The following MIS18A variants were observed in gnomAD, a reference collection of about 807,000 sequenced individuals.
MIS18A encodes the protein MIS18 kinetochore protein A.
Under a neutral mutation model 25.0 loss-of-function variants are expected in MIS18A, and 14 were observed. The ratio of observed to expected loss-of-function variants is 0.56; its 90% CI spans 0.37 to 0.88. The LOEUF is 0.88. Ranked by LOEUF, MIS18A falls within the 40% of genes least tolerant of loss-of-function variation. MIS18A has a pLI of 0.00. For missense variants in MIS18A, 292 were observed against 290.8 expected (o/e 1.00, Z -0.03); for synonymous variants, 134 against 118.6 (o/e 1.13, Z -0.84).
chr21:32,156,383 G>A, the MIS18A span: 1 of 151,972 alleles, frequency 6.6e-6, no homozygotes, highest in African/African-American at 2.4e-5. Context: ...AAATACCTCA[G>A]TTGTTGTTAT....
chr21:32,165,826 T>C, the MIS18A span, among the ~76,000 whole-genome samples: 1 of 152,004 alleles, frequency 6.6e-6, no homozygotes, highest in African/African-American at 2.4e-5. Flanking sequence ...TACATTACAC[T>C]GGGCCCTTGT....
chr21:32,190,480 C>A, the MIS18A span, among the ~76,000 whole-genome samples: 6 of 152,302 alleles, frequency 3.9e-5, no homozygotes, highest in South Asian at 6.2e-4. Flanking sequence ...GCCCATTTAC[C>A]CACAAAATTT....
chr21:32,183,333 T>C, the MIS18A span, among the ~76,000 whole-genome samples: 1 of 152,344 alleles, frequency 6.6e-6, no homozygotes, highest in African/African-American at 2.4e-5. Flanking sequence ...GTGTAGCCTG[T>C]TTTGGTAATA....
the MIS18A span, among the ~76,000 whole-genome samples, chr21:32,174,447 A>G: frequency 6.6e-6 from 1 of 152,214 alleles, no homozygotes; most frequent in African/African-American, 2.4e-5. Flanking sequence ...TGCTAGAGCT[A>G]TAGATGAACA....
At chr21:32,271,017 T>C (rs770727250) in intron 2 of MIS18A, among the ~76,000 whole-genome samples, 21 of 152,226 alleles carry the variant, frequency 1.4e-4, no homozygotes, top group Non-Finnish European at 2.8e-4. Flanking sequence ...AAGGTAATAC[T>C]GCTTGGCTTA....
intron 4 of MIS18A, chr21:32,269,505 C>G (rs2031673351): frequency 2.0e-6 from 1 of 512,322 alleles, no homozygotes; most frequent in Non-Finnish European, 3.5e-6. Flanking sequence ...TTTGACATGA[C>G]ATGTCTTCCT....
chr21:32,164,122 A>G, the MIS18A span, among the ~76,000 whole-genome samples: 3 of 152,130 alleles, frequency 2.0e-5, no homozygotes, highest in African/African-American at 7.2e-5. Context: ...CCATGATCCA[A>G]ACACCTCCCA....
chr21:32,221,723 C>CAAAAAAA, the MIS18A span, among the ~76,000 whole-genome samples: 1 of 108,696 alleles, frequency 9.2e-6, no homozygotes, highest in Non-Finnish European at 1.9e-5. Context: ...ACGAATAATA[C>CAAAAAAA]AAAAAAAAAA....
chr21:32,238,829 G>C, the MIS18A span, among the ~76,000 whole-genome samples: 28 of 152,130 alleles, frequency 1.8e-4, no homozygotes, highest in African/African-American at 4.8e-4. Flanking sequence ...GGTGATTTTG[G>C]GGAACCATGA....
chr21:32,244,671 A>AGG, the MIS18A span, among the ~76,000 whole-genome samples: 1 of 152,156 alleles, frequency 6.6e-6, no homozygotes, highest in East Asian at 1.9e-4. Flanking sequence ...TGGGAGGTTG[A>AGG]GGCTGCAGTG....
At chr21:32,230,340 T>A in the MIS18A span, among the ~76,000 whole-genome samples, 1 of 152,308 alleles carries the variant, frequency 6.6e-6, no homozygotes, top group Middle Eastern at 3.4e-3. Flanking sequence ...TCTCTCTGGG[T>A]CTTAGTATCC....
the MIS18A span, among the ~76,000 whole-genome samples, chr21:32,155,371 C>A: frequency 6.6e-6 from 1 of 152,106 alleles, no homozygotes; most frequent in African/African-American, 2.4e-5. Flanking sequence ...TAGAGGGAGG[C>A]AGCTTGTATA....
chr21:32,232,630 C>T, the MIS18A span, among the ~76,000 whole-genome samples: 1 of 151,882 alleles, frequency 6.6e-6, no homozygotes, highest in African/African-American at 2.4e-5. Context: ...CATCATGCTA[C>T]GTGAAATTAA....
At chr21:32,244,131 TCTG>T in the MIS18A span, among the ~76,000 whole-genome samples, 1 of 152,120 alleles carries the variant, frequency 6.6e-6, no homozygotes, top group Non-Finnish European at 1.5e-5. Flanking sequence ...TGAAAAGCAT[TCTG>T]CTAAGTGAAG....
the MIS18A span, among the ~76,000 whole-genome samples, chr21:32,219,760 G>A: frequency 6.6e-6 from 1 of 152,178 alleles, no homozygotes; most frequent in South Asian, 2.1e-4. Flanking sequence ...GCAGTCTGAA[G>A]TCAACCTGGG....
At chr21:32,265,494 G>A (rs1432213389), downstream of MIS18A, among the ~76,000 whole-genome samples, 1 of 152,256 alleles carries the variant, frequency 6.6e-6, no homozygotes. Flanking sequence ...TGCGGAGGGT[G>A]TACTGAGTCC....
At chr21:32,215,663 G>A in the MIS18A span, among the ~76,000 whole-genome samples, 2,276 of 152,190 alleles carry the variant, frequency 0.015, 57 homozygotes, top group African/African-American at 0.052. Flanking sequence ...AAAGATAGCC[G>A]CTGCCTTTCT....
At chr21:32,218,601 G>T in the MIS18A span, among the ~76,000 whole-genome samples, 10 of 152,254 alleles carry the variant, frequency 6.6e-5, no homozygotes, top group East Asian at 1.9e-3. Flanking sequence ...ATCCTAGCTT[G>T]TCATAAATTA....
chr21:32,253,197 C>T, the MIS18A span, among the ~76,000 whole-genome samples: 425 of 152,174 alleles, frequency 2.8e-3, 1 homozygote, highest in Non-Finnish European at 5.2e-3. Flanking sequence ...GCACTGATGG[C>T]CTGCAGATGA....
Sources: allele counts gnomAD v4.1 joint callset (sites outside exome capture counted in the v4.1 genomes callset), GRCh38; gene constraint gnomAD v4.1.1; transcripts MANE v1.5; gene names NCBI Gene and HGNC (gene_info 2026-07-23, HGNC 2026-07-21).